Variants in SLC6A6 observed in about 807,000 individuals in gnomAD.
SLC6A6 encodes solute carrier family 6 member 6, also known as sodium- and chloride-dependent taurine transporter.
A neutral mutation model predicts 68.8 loss-of-function variants in SLC6A6; 16 were observed. That is an observed-to-expected ratio of 0.23 (90% CI 0.16 to 0.35). SLC6A6 has a LOEUF of 0.35. Among genes scored for constraint, SLC6A6 ranks in the 10% least tolerant of loss-of-function variants. SLC6A6 has a pLI of 1.00. For missense variants in SLC6A6, 474 were observed against 802.8 expected (o/e 0.59, Z 4.95); for synonymous variants, 312 against 315.4 (o/e 0.99, Z 0.12).
intron 13 of SLC6A6, among the ~76,000 whole-genome samples, chr3:14,479,436 G>A (rs1344548124): frequency 1.3e-5 from 2 of 152,206 alleles, no homozygotes; most frequent in Non-Finnish European, 1.5e-5. Flanking sequence ...GCCAGCCTGT[G>A]CGGGGCCAAG....
In SLC6A6 at chr3:14,477,777, T is replaced by C. The variant is rs1700912701; in HGVS notation, c.1347+435T>C. Among the ~76,000 whole-genome samples, 1 of 151,834 alleles carries C rather than the reference T, an allele frequency of 6.6e-6. No homozygotes were observed. The highest frequency in any genetic ancestry group is 1.5e-5 in the Non-Finnish European group (1 of 67,982). On this transcript the variant is annotated intron_variant, in intron 11 of 14. Transcript: ENST00000622186. This position sits in a 1 kb window ranked among gnomAD's most constrained non-coding sequence, Gnocchi z 4.2. ...GCAGGTCACCTGCCACAGGACCGAGTCCTGGTGGGTATGGGTTGATAGGGG... is the reference window on the plus strand; with the variant it reads ...GCAGGTCACCTGCCACAGGACCGAGCCCTGGTGGGTATGGGTTGATAGGGG...
rs1228318382 is a variant in SLC6A6, at chr3:14,484,944, T to A, written c.1800T>A (p.Ser600=). Reference sequence around the variant, plus strand: ...GCGAGGGAGCCACACCTTACAACTCTCGCACCGTCATGAACGGCGCTCTCG... The same window carrying A: ...GCGAGGGAGCCACACCTTACAACTCACGCACCGTCATGAACGGCGCTCTCG... The part of the protein sequence containing the change: ...VEREGATPYN[S]RTVMNGALVK... Residue 600 remains serine (S), a synonymous_variant, in exon 15 of 15, where the codon TCT becomes TCA. Coordinates refer to ENST00000622186, the MANE Select transcript of SLC6A6 (RefSeq NM_003043.6). 17 of 1,612,746 alleles carry A rather than the reference T, an allele frequency of 1.1e-5. No individual in the cohort carries two copies. Among genetic ancestry groups the A allele is most frequent in the Non-Finnish European group, 1.4e-5 (16 of 1,179,942 alleles).
At chr3:14,427,408 C>T (rs1045474869) in intron 2 of SLC6A6, among the ~76,000 whole-genome samples, 11 of 152,216 alleles carry the variant, frequency 7.2e-5, no homozygotes, top group Admixed American at 3.9e-4. Flanking sequence ...ATGCTGCCCA[C>T]GGTTGCAGAG....
At chr3:14,449,485 C>T (rs1460269715) in intron 5 of SLC6A6, among the ~76,000 whole-genome samples, 1 of 152,148 alleles carries the variant, frequency 6.6e-6, no homozygotes, top group Non-Finnish European at 1.5e-5. Flanking sequence ...GAAAACCGGG[C>T]CTTCCCCACT....
At chr3:14,408,087 T>G (rs1699151084) in intron 1 of SLC6A6, among the ~76,000 whole-genome samples, 1 of 152,184 alleles carries the variant, frequency 6.6e-6, no homozygotes, top group Non-Finnish European at 1.5e-5. Flanking sequence ...TGTGCATATT[T>G]CTGTACAAGT....
chr3:14,404,267 GT>G (rs1329368170), intron 1 of SLC6A6, among the ~76,000 whole-genome samples: 2 of 152,138 alleles, frequency 1.3e-5, no homozygotes, highest in Admixed American at 6.6e-5. Flanking sequence ...GAGAGAGCGG[GT>G]GAGTGCTTAG....
intron 3 of SLC6A6, among the ~76,000 whole-genome samples, chr3:14,445,204 C>T (rs930017623): frequency 6.6e-5 from 10 of 151,998 alleles, no homozygotes; most frequent in Admixed American, 5.2e-4. Flanking sequence ...GGGCGGATCA[C>T]GAGGTCAGGA....
chr3:14,431,209 A>G (rs193136579), intron 2 of SLC6A6, among the ~76,000 whole-genome samples: 1 of 152,184 alleles, frequency 6.6e-6, no homozygotes, highest in African/African-American at 2.4e-5. Flanking sequence ...CCCACTGTCC[A>G]CATACCCCAG....
chr3:14,423,357 A>G (rs1699525142), intron 2 of SLC6A6, among the ~76,000 whole-genome samples: 1 of 152,194 alleles, frequency 6.6e-6, no homozygotes, highest in African/African-American at 2.4e-5. Flanking sequence ...TTGTGAGACA[A>G]CATTCATTCA....
Position 14,486,763 on chromosome 3 carries a change from C to T in SLC6A6, c.*1756C>T, listed in dbSNP as rs910826152. 3.3e-5 allele frequency: 5 copies of T among 152,584 alleles called. No individual in the cohort carries two copies. Among genetic ancestry groups the T allele is most frequent in the Non-Finnish European group, 7.3e-5 (5 of 68,044 alleles). The allele number at this position is 152,584 out of a possible 1,614,324, so 9.5% of individuals were successfully genotyped here. On this transcript the variant is annotated 3_prime_UTR_variant, in exon 15 of 15. Coordinates refer to ENST00000622186, the MANE Select transcript of SLC6A6 (RefSeq NM_003043.6). ...CTCTTGGAACCCTGGAAACCCCCTT[C>T]TTAAATTTGGGAGGAGGAGTATGCC...
Position 14,444,125 on chromosome 3 carries a change from T to C in SLC6A6, c.229+262T>C, listed in dbSNP as rs184734011. 6.4e-5 allele frequency: 27 copies of C among 418,976 alleles called. No homozygotes were observed. In the East Asian group the frequency reaches 1.0e-3, roughly 16 times the overall value. 26.0% of individuals were successfully genotyped at this position (418,976 alleles called of 1,614,324 possible). A position where few individuals can be genotyped will look rare whatever the true frequency, so the allele number is the denominator to read the frequency against. On this transcript the variant is annotated intron_variant, in intron 3 of 14. Transcript: ENST00000622186. The stretch of plus-strand genomic sequence containing the variant: ...TCCCTCAGCCTCTCTGGTCCTCCAG[T>C]TTGCCACCTCCAAAGAGGCAGGACA...
intron 3 of SLC6A6, among the ~76,000 whole-genome samples, chr3:14,445,211 A>T (rs1160919655): frequency 1.3e-5 from 2 of 152,038 alleles, no homozygotes; most frequent in African/African-American, 2.4e-5. Context: ...TCACGAGGTC[A>T]GGAGATTGAG....
At chr3:14,482,812 A>T (rs1701038854) in intron 14 of SLC6A6, among the ~76,000 whole-genome samples, 1 of 152,138 alleles carries the variant, frequency 6.6e-6, no homozygotes, top group African/African-American at 2.4e-5. Flanking sequence ...CAGCACCCCA[A>T]CCAGTCTTTA....
At chr3:14,410,664 G>A (rs944073396) in intron 1 of SLC6A6, among the ~76,000 whole-genome samples, 12 of 152,226 alleles carry the variant, frequency 7.9e-5, no homozygotes, top group African/African-American at 1.4e-4. Context: ...TGCTCACATC[G>A]GGTCCTTGCC....
chr3:14,445,718 T>G lies in SLC6A6; in HGVS notation c.231T>G (p.Gly77=). ...TTTTGCCCATTCTGCTCTCTGCAGGTGCGTTTCTCATACCGTATTTTATTT... is the reference window on the plus strand; with the variant it reads ...TTTTGCCCATTCTGCTCTCTGCAGGGGCGTTTCTCATACCGTATTTTATTT... ...FPYLCYKNGG[G]AFLIPYFIFL... Residue 77 remains glycine, a splice_region_variant and synonymous_variant, in exon 4 of 15, where the codon GGT becomes GGG. Transcript: ENST00000622186. The G allele has an allele frequency of 6.2e-7, 1 of 1,614,166 alleles. No homozygotes were observed. The highest frequency in any genetic ancestry group is 8.5e-7 in the Non-Finnish European group (1 of 1,180,000).
At position 14,445,804 on chromosome 3, in the gene SLC6A6, C is replaced by A; in HGVS notation, c.317C>A (p.Ser106Tyr). ...FLEIIIGQYT[S>Y]EGGITCWEKI... is the part of the protein sequence containing the mutation. ...GAGATCATCATAGGCCAGTACACCT[C>A]TGAAGGGGGCATCACCTGCTGGGAA... The change falls in exon 4 of 15, where the codon TCT (serine) becomes TAT (tyrosine). Residue 106 changes from serine (S) to tyrosine (Y), a missense_variant. By Grantham distance (144) the Ser-to-Tyr change is moderately radical. This residue lies in a region of SLC6A6 where 280 missense variants were observed against 533.1 expected (regional missense o/e 0.53). Coordinates refer to ENST00000622186, the MANE Select transcript of SLC6A6 (RefSeq NM_003043.6). 1 of 1,614,166 alleles carries A rather than the reference C, an allele frequency of 6.2e-7. No homozygotes were observed. The highest frequency in any genetic ancestry group is 1.6e-4 in the Middle Eastern group (1 of 6,062).
chr3:14,452,864 G>A (rs1157360374), intron 5 of SLC6A6, among the ~76,000 whole-genome samples: 1 of 152,240 alleles, frequency 6.6e-6, no homozygotes, highest in Admixed American at 6.5e-5. Flanking sequence ...CGCCCTGGAG[G>A]ACAGGCGGGG....
intron 6 of SLC6A6, among the ~76,000 whole-genome samples, chr3:14,462,966 A>G (rs973216603): frequency 6.6e-6 from 1 of 152,184 alleles, no homozygotes. Context: ...CTGGGGAGAT[A>G]CGTGGCCTGT....
intron 6 of SLC6A6, among the ~76,000 whole-genome samples, chr3:14,460,614 A>G (rs1014400128): frequency 2.6e-5 from 4 of 152,244 alleles, no homozygotes; most frequent in African/African-American, 9.6e-5. Context: ...CTTTTGAGAC[A>G]TAATGCAGAA....
Sources: allele counts gnomAD v4.1 joint callset (sites outside exome capture counted in the v4.1 genomes callset), GRCh38; gene constraint gnomAD v4.1.1; regional missense constraint gnomAD v4.1.1; non-coding constraint Gnocchi (gnomAD v3.1); transcripts MANE v1.5; gene names NCBI Gene and HGNC (gene_info 2026-07-23, HGNC 2026-07-21).